TEAD4: variants seen among roughly 807,000 people sequenced by gnomAD.
TEAD4 encodes the protein transcriptional enhancer factor TEF-3.
In TEAD4, 36 loss-of-function variants were observed where a neutral mutation model predicts 52.4. The ratio of observed to expected loss-of-function variants is 0.69; its 90% CI spans 0.53 to 0.91. The LOEUF (loss-of-function observed/expected upper bound fraction) is 0.91, where lower values mean the gene tolerates loss of function less well. Ranked by LOEUF, TEAD4 falls within the 40% of genes least tolerant of loss-of-function variation. The pLI, the probability that TEAD4 is intolerant of heterozygous loss-of-function variation, is 0.00. For synonymous variants in TEAD4, 220 were observed against 231.0 expected, an observed-to-expected ratio of 0.95 and a Z score of 0.43; for missense variants, 508 against 583.9, an observed-to-expected ratio of 0.87 and a Z score of 1.34.
chr12:3,034,176 A>G (rs541001281), intron 10 of TEAD4, among the ~76,000 whole-genome samples: 4 of 146,816 alleles, frequency 2.7e-5, no homozygotes, highest in African/African-American at 1.1e-4. Flanking sequence ...CCTGGGCTGG[A>G]CAAATGGGCA....
At position 3,040,316 on chromosome 12, in the gene TEAD4, C is replaced by T. The variant is rs1038977120; in HGVS notation, c.1192-49C>T. 1.1e-5 allele frequency: 17 copies of T among 1,613,818 alleles called. No homozygotes were observed. The Admixed American group carries it at 1.5e-4, about 14-fold the overall frequency. On this transcript the variant is annotated intron_variant, in intron 12 of 12. Transcript: ENST00000359864. ...GTCTGTGTGTGGGTAGCAGCCATGGCATGCCCCTTCTGGGGCCTTATTAAC... is the reference window on the plus strand; with the variant it reads ...GTCTGTGTGTGGGTAGCAGCCATGGTATGCCCCTTCTGGGGCCTTATTAAC...
chr12:3,012,628 G>A (rs2098261281), intron 5 of TEAD4, among the ~76,000 whole-genome samples: 2 of 152,160 alleles, frequency 1.3e-5, no homozygotes, highest in African/African-American at 2.4e-5. Context: ...GGCGTTTATG[G>A]TACTGTGGGA....
chr12:3,019,642 C>T (rs1292191394), intron 8 of TEAD4, among the ~76,000 whole-genome samples: 5 of 152,202 alleles, frequency 3.3e-5, no homozygotes, highest in African/African-American at 1.2e-4. Flanking sequence ...CCCGCCCTCT[C>T]ACTGACAGGC....
chr12:3,014,927 G>T (rs559940478), intron 5 of TEAD4, among the ~76,000 whole-genome samples: 5 of 152,226 alleles, frequency 3.3e-5, no homozygotes, highest in Non-Finnish European at 7.3e-5. Context: ...GCAAGGGTGC[G>T]CCTGCCAAGT....
intron 10 of TEAD4, among the ~76,000 whole-genome samples, chr12:3,027,716 A>T (rs2098272895): frequency 6.6e-6 from 1 of 152,124 alleles, no homozygotes. Flanking sequence ...AAAATACCAA[A>T]ATTAGCCAGG....
intron 10 of TEAD4, among the ~76,000 whole-genome samples, chr12:3,035,989 C>T (rs74632119): frequency 0.016 from 2,381 of 152,272 alleles, 25 homozygotes; most frequent in Non-Finnish European, 0.022. Context: ...CCTGGGCACC[C>T]TGCCTACAAT....
intron 2 of TEAD4, among the ~76,000 whole-genome samples, chr12:2,969,968 A>G (rs559683097): frequency 2.6e-5 from 4 of 152,246 alleles, no homozygotes; most frequent in Admixed American, 1.3e-4. Flanking sequence ...GCTTTTGCCC[A>G]TGGTCCCAGT....
chr12:3,032,234 G>A (rs2098276093), intron 10 of TEAD4, among the ~76,000 whole-genome samples: 1 of 152,226 alleles, frequency 6.6e-6, no homozygotes, highest in South Asian at 2.1e-4. Flanking sequence ...GGAGGTGGGG[G>A]TTGATGGGAG....
intron 10 of TEAD4, among the ~76,000 whole-genome samples, chr12:3,033,546 C>G (rs1417428686): frequency 6.6e-6 from 1 of 152,214 alleles, no homozygotes; most frequent in African/African-American, 2.4e-5. Context: ...GGCCTTCCTC[C>G]CATCTCAGCC....
intron 2 of TEAD4, among the ~76,000 whole-genome samples, chr12:2,973,697 C>T (rs2098227109): frequency 6.6e-6 from 1 of 152,218 alleles, no homozygotes; most frequent in South Asian, 2.1e-4. Context: ...GGGCATCCTT[C>T]CTGCCTGGCG....
chr12:3,016,907 G>A (rs2098264996), intron 5 of TEAD4, among the ~76,000 whole-genome samples: 1 of 152,178 alleles, frequency 6.6e-6, no homozygotes, highest in Admixed American at 6.5e-5. Flanking sequence ...AGTCCCAGGT[G>A]CCTACAGTGC....
At chr12:3,021,608 G>T (rs1033548430) in intron 9 of TEAD4, among the ~76,000 whole-genome samples, 1 of 152,146 alleles carries the variant, frequency 6.6e-6, no homozygotes, top group Non-Finnish European at 1.5e-5. Context: ...GCCGCACCCG[G>T]CTCAGACTTC....
At chr12:2,965,706 C>G (rs1348159825) in intron 2 of TEAD4, among the ~76,000 whole-genome samples, 2 of 150,696 alleles carry the variant, frequency 1.3e-5, no homozygotes, top group Non-Finnish European at 2.9e-5. Context: ...CACCCGCCAC[C>G]TAATTTTTTT....
chr12:2,986,512 T>A (rs943629264), intron 2 of TEAD4, among the ~76,000 whole-genome samples: 2 of 151,792 alleles, frequency 1.3e-5, no homozygotes, highest in African/African-American at 4.8e-5. Context: ...TGGTGGTACG[T>A]GCCTGTAATC....
chr12:2,965,588 T>G (rs1255730869), intron 2 of TEAD4, among the ~76,000 whole-genome samples: 1 of 152,142 alleles, frequency 6.6e-6, no homozygotes, highest in Admixed American at 6.5e-5. Context: ...GTCTCGCTCT[T>G]TCGCCCAGGC....
chr12:3,031,551 G>A (rs1389171943), intron 10 of TEAD4, among the ~76,000 whole-genome samples: 2 of 152,164 alleles, frequency 1.3e-5, no homozygotes. Context: ...CATGGAGTAA[G>A]CAGGGCCTGG....
At chr12:2,966,915 C>T (rs1230558472) in intron 2 of TEAD4, among the ~76,000 whole-genome samples, 1 of 152,130 alleles carries the variant, frequency 6.6e-6, no homozygotes, top group East Asian at 1.9e-4. Flanking sequence ...CCATGCTGGC[C>T]AGGCTGGTCT....
intron 2 of TEAD4, among the ~76,000 whole-genome samples, chr12:2,963,271 C>T (rs2098217381): frequency 6.6e-6 from 1 of 152,216 alleles, no homozygotes. Context: ...ATGCCTGTTG[C>T]CAAACCTGTG....
chr12:2,998,320 G>A (rs2098248918), intron 3 of TEAD4, among the ~76,000 whole-genome samples: 1 of 152,074 alleles, frequency 6.6e-6, no homozygotes, highest in Admixed American at 6.6e-5. Flanking sequence ...CACATATAAA[G>A]ATACTGGGGT....
Sources: gnomAD v4.1 joint callset for allele counts (sites outside exome capture counted in the v4.1 genomes callset) on GRCh38, gnomAD v4.1.1 for gene constraint, MANE v1.5 for transcripts, NCBI Gene and HGNC (gene_info 2026-07-23, HGNC 2026-07-21) for gene names.